NKAIN3: variants seen among roughly 807,000 people sequenced by gnomAD.
NKAIN3 encodes sodium/potassium-transporting ATPase subunit beta-1-interacting protein 3.
NKAIN3 carries 25 observed loss-of-function variants against 30.2 expected under a neutral mutation model. That is an observed-to-expected ratio of 0.83 (90% CI 0.60 to 1.16). The LOEUF (loss-of-function observed/expected upper bound fraction) is 1.16. Among genes scored for constraint, NKAIN3 ranks in the 50% most tolerant of loss-of-function variants. The pLI, the probability that NKAIN3 is intolerant of heterozygous loss-of-function variation, is 0.00. For synonymous variants in NKAIN3, 91 were observed against 89.6 expected (o/e 1.02, Z -0.09); for missense variants, 225 against 254.1 (o/e 0.89, Z 0.78).
At chr8:62,952,991 A>G (rs1823327239) in intron 5 of NKAIN3, among the ~76,000 whole-genome samples, 1 of 152,126 alleles carries the variant, frequency 6.6e-6, no homozygotes, top group Non-Finnish European at 1.5e-5. Flanking sequence ...ATAAATAGAT[A>G]CTATTTATGG....
At chr8:62,429,760 C>T (rs1804936089) in intron 1 of NKAIN3, among the ~76,000 whole-genome samples, 1 of 151,826 alleles carries the variant, frequency 6.6e-6, no homozygotes, top group Admixed American at 6.6e-5. Context: ...ATCTAGGATA[C>T]TCCAGTCTTT....
At chr8:62,345,352 TACAC>T (rs1330686694) in intron 1 of NKAIN3, among the ~76,000 whole-genome samples, 54 of 11,998 alleles carry the variant, frequency 4.5e-3, no homozygotes, top group Admixed American at 6.9e-3. Flanking sequence ...TACACACATA[TACAC>T]ATATATGTAT....
intron 4 of NKAIN3, chr8:62,863,100 T>C: frequency 8.0e-7 from 1 of 1,257,476 alleles, no homozygotes; most frequent in Non-Finnish European, 1.1e-6. Flanking sequence ...GAAAAGGGTA[T>C]TCCCCATCCT....
rs142335205 is a variant in NKAIN3 at position 62,721,034 on chromosome 8, G to T, written c.274-25898G>T. ...GACCTCTGAGATGGTGTGAAACAGT[G>T]GAGAGGCAATAGCTAGGAAAATCTT... is the stretch of plus-strand genomic sequence containing the variant. On this transcript the variant is annotated intron_variant, in intron 3 of 6. Coordinates refer to ENST00000623646, the MANE Select transcript of NKAIN3 (RefSeq NM_001304533.3). Among the ~76,000 whole-genome samples the T allele has an allele frequency of 6.5e-4, 99 of 152,300 alleles. 1 individual carries two copies. The highest frequency in any genetic ancestry group is 1.6e-3 in the Admixed American group (24 of 15,290).
chr8:62,421,523 A>G (rs1371266178), intron 1 of NKAIN3, among the ~76,000 whole-genome samples: 2 of 152,084 alleles, frequency 1.3e-5, no homozygotes, highest in Non-Finnish European at 1.5e-5. Flanking sequence ...TGGGGAATAC[A>G]TACACCATCT....
intron 1 of NKAIN3, among the ~76,000 whole-genome samples, chr8:62,336,867 T>C (rs367808357): frequency 2.6e-5 from 4 of 152,164 alleles, no homozygotes; most frequent in Middle Eastern, 6.8e-3. Context: ...AGAAGGTATG[T>C]ATTTTAGGCT....
chr8:62,523,004 C>A (rs1379597109), intron 1 of NKAIN3, among the ~76,000 whole-genome samples: 1 of 152,050 alleles, frequency 6.6e-6, no homozygotes, highest in African/African-American at 2.4e-5. Flanking sequence ...TGTACTAGGC[C>A]TTCACATTCA....
intron 3 of NKAIN3, among the ~76,000 whole-genome samples, chr8:62,592,385 A>T (rs1379326696): frequency 6.6e-6 from 1 of 152,168 alleles, no homozygotes; most frequent in South Asian, 2.1e-4. Context: ...TGATAGATGT[A>T]ATCCACATAA....
At chr8:62,754,828 T>C (rs1232131110) in intron 4 of NKAIN3, among the ~76,000 whole-genome samples, 1 of 152,202 alleles carries the variant, frequency 6.6e-6, no homozygotes, top group African/African-American at 2.4e-5. Flanking sequence ...TCTGTTCATA[T>C]GCTTATAGAA....
At chr8:62,841,350 T>G (rs2882864) in intron 4 of NKAIN3, among the ~76,000 whole-genome samples, 4,040 of 152,096 alleles carry the variant, frequency 0.027, 178 homozygotes, top group African/African-American at 0.092. Flanking sequence ...CTCTCTTATT[T>G]TGAAATACAC....
chr8:62,863,027 A>C, intron 4 of NKAIN3: 1 of 683,400 alleles, frequency 1.5e-6, no homozygotes, highest in East Asian at 2.9e-5. Context: ...GTGTACATGC[A>C]AGGATGTGAC....
chr8:62,775,873 A>C (rs189693021), intron 4 of NKAIN3, among the ~76,000 whole-genome samples: 174 of 152,198 alleles, frequency 1.1e-3, no homozygotes, highest in African/African-American at 4.1e-3. Flanking sequence ...TAATCTGTCC[A>C]ATGCTGAAAG....
chr8:62,446,668 C>G (rs1307732286), intron 1 of NKAIN3, among the ~76,000 whole-genome samples: 1 of 152,076 alleles, frequency 6.6e-6, no homozygotes, highest in African/African-American at 2.4e-5. Flanking sequence ...TACTTTCTAT[C>G]TGTATGGATT....
intron 3 of NKAIN3, among the ~76,000 whole-genome samples, chr8:62,719,998 C>A (rs1391343379): frequency 6.6e-6 from 1 of 151,956 alleles, no homozygotes; most frequent in East Asian, 1.9e-4. Context: ...GCCTTGTGAT[C>A]CGCCCGCCTC....
At chr8:62,788,000 G>A (rs1308943178) in intron 4 of NKAIN3, among the ~76,000 whole-genome samples, 1 of 148,952 alleles carries the variant, frequency 6.7e-6, no homozygotes, top group Non-Finnish European at 1.5e-5. Context: ...ACATGTGCAT[G>A]TGTCTTTATA....
chr8:62,578,261 A>T (rs1810179538), intron 1 of NKAIN3, among the ~76,000 whole-genome samples: 1 of 152,160 alleles, frequency 6.6e-6, no homozygotes, highest in Admixed American at 6.6e-5. Flanking sequence ...ACCATATGAA[A>T]TGCATCTGTT....
intron 6 of NKAIN3, among the ~76,000 whole-genome samples, chr8:62,958,432 T>C (rs746830711): frequency 7.4e-6 from 1 of 135,602 alleles, no homozygotes; most frequent in African/African-American, 2.8e-5. Context: ...TGCCATGGAG[T>C]CTCCACCGGG....
intron 1 of NKAIN3, among the ~76,000 whole-genome samples, chr8:62,531,018 C>T (rs565910233): frequency 7.2e-5 from 11 of 152,174 alleles, no homozygotes; most frequent in Non-Finnish European, 1.5e-4. Context: ...AGCAACCACA[C>T]TCCAGGAATC....
intron 1 of NKAIN3, among the ~76,000 whole-genome samples, chr8:62,577,098 T>A (rs1317086695): frequency 6.6e-6 from 1 of 152,140 alleles, no homozygotes; most frequent in Admixed American, 6.6e-5. Flanking sequence ...TACTCAAATC[T>A]AGTTTTCACA....
Sources: allele counts gnomAD v4.1 joint callset (sites outside exome capture counted in the v4.1 genomes callset), GRCh38; gene constraint gnomAD v4.1.1; transcripts MANE v1.5; gene names NCBI Gene and HGNC (gene_info 2026-07-23, HGNC 2026-07-21).